POLA1: variants seen among roughly 807,000 people sequenced by gnomAD.
POLA1 encodes the protein DNA polymerase alpha catalytic subunit.
A neutral mutation model predicts 124.0 loss-of-function variants in POLA1; 15 were observed. The observed-to-expected ratio is 0.12, with a 90% CI of 0.08 to 0.19. The LOEUF (loss-of-function observed/expected upper bound fraction) is 0.19. Among genes scored for constraint, POLA1 ranks in the 10% least tolerant of loss-of-function variants. The pLI, the probability that POLA1 is intolerant of heterozygous loss-of-function variation, is 1.00. For missense variants in POLA1, 886 were observed against 1,103.4 expected (o/e 0.80, Z 2.79); for synonymous variants, 408 against 389.4 (o/e 1.05, Z -0.56).
intron 29 of POLA1, among the ~76,000 whole-genome samples, chrX:24,813,811 C>CAAA (rs553323828): frequency 3.3e-4 from 11 of 33,792 alleles, no homozygotes; most frequent in Non-Finnish European, 5.9e-4. Context: ...GAGACGCCGT[C>CAAA]AAAAAAAAAA....
chrX:24,813,251 A>G (rs954080804), intron 29 of POLA1, among the ~76,000 whole-genome samples: 1 of 111,174 alleles, frequency 9.0e-6, no homozygotes, highest in Non-Finnish European at 1.9e-5. Context: ...CTTGAGGGAC[A>G]TAATTGTTAA....
intron 35 of POLA1, among the ~76,000 whole-genome samples, chrX:24,891,655 A>G (rs1363410778): frequency 8.9e-6 from 1 of 111,847 alleles, no homozygotes; most frequent in Non-Finnish European, 1.9e-5. Flanking sequence ...CTCTGTCTCA[A>G]TCATACCTTA....
At chrX:24,780,370 C>T (rs1002684934) in intron 26 of POLA1, among the ~76,000 whole-genome samples, 1 of 112,607 alleles carries the variant, frequency 8.9e-6, no homozygotes, top group Non-Finnish European at 1.9e-5. Context: ...TATCTTGTTT[C>T]TGGTATTAGG....
intron 34 of POLA1, among the ~76,000 whole-genome samples, chrX:24,878,722 T>G (rs918660584): frequency 3.8e-5 from 4 of 106,419 alleles, no homozygotes; most frequent in Admixed American, 3.0e-4. Flanking sequence ...TTTGAAATTT[T>G]AGATTTAGTA....
At chrX:24,741,861 CTTTT>C in intron 21 of POLA1, 137 bp from the exon 22 acceptor site, 1 of 373,955 alleles carries the variant, frequency 2.7e-6, no homozygotes, top group African/African-American at 2.9e-5. Context: ...AATTTAGTAC[CTTTT>C]TTTTTTTTAA....
At chrX:24,916,038 G>A (rs185963037) in intron 35 of POLA1, among the ~76,000 whole-genome samples, 6 of 112,047 alleles carry the variant, frequency 5.4e-5, no homozygotes, top group African/African-American at 1.9e-4. Context: ...AGAGCCAAGA[G>A]GATTGCAGAA....
chrX:24,850,362 C>G (rs753545611), intron 34 of POLA1, among the ~76,000 whole-genome samples: 4 of 112,203 alleles, frequency 3.6e-5, no homozygotes, highest in Non-Finnish European at 7.5e-5. Context: ...GTATTCTATA[C>G]AAGCAGCTTA....
At position 24,930,529 on chromosome X, in the gene POLA1, T is replaced by G. The variant is rs370763508; in HGVS notation, c.4241T>G (p.Leu1414Arg). The G allele has an allele frequency of 5.2e-6, 6 of 1,160,782 alleles. No homozygotes were observed. Residue 1414 changes from leucine (L) to arginine (R), a missense_variant, in exon 36 of 37, where the codon CTT becomes CGT. Coordinates refer to ENST00000379068, the MANE Select transcript of POLA1 (RefSeq NM_001330360.2). The part of the protein sequence containing the change: ...IFDAECALEK[L>R]TTDHEKDKLK... Reference sequence around the variant, plus strand: ...GATGCGGAGTGTGCACTGGAGAAACTTACTACCGATCATGAGAAAGGTACG... The same window carrying G: ...GATGCGGAGTGTGCACTGGAGAAACGTACTACCGATCATGAGAAAGGTACG...
intron 26 of POLA1, among the ~76,000 whole-genome samples, chrX:24,794,924 A>G (rs1338071515): frequency 9.0e-6 from 1 of 110,704 alleles, no homozygotes; most frequent in Non-Finnish European, 1.9e-5. Flanking sequence ...CAGTTTGTAC[A>G]TCAAAATCCA....
intron 31 of POLA1, among the ~76,000 whole-genome samples, chrX:24,823,618 G>A (rs981432601): frequency 9.0e-6 from 1 of 111,246 alleles, no homozygotes; most frequent in Non-Finnish European, 1.9e-5. Context: ...TGACCAATCT[G>A]GTCTCAAACT....
intron 34 of POLA1, among the ~76,000 whole-genome samples, chrX:24,844,993 G>A (rs1442376463): frequency 2.7e-5 from 3 of 111,656 alleles, no homozygotes; most frequent in African/African-American, 9.8e-5. Flanking sequence ...TCTTCACCAT[G>A]GAAATGTTAA....
chrX:24,965,101 C>A (rs193290125), intron 36 of POLA1, among the ~76,000 whole-genome samples: 1 of 111,805 alleles, frequency 8.9e-6, no homozygotes, highest in Admixed American at 9.5e-5. Flanking sequence ...CTTAAAATTC[C>A]CAGTAGAGGG....
At chrX:24,992,852 G>T (rs2048550609) in intron 36 of POLA1, among the ~76,000 whole-genome samples, 1 of 112,332 alleles carries the variant, frequency 8.9e-6, no homozygotes, top group Non-Finnish European at 1.9e-5. Flanking sequence ...ACAGATGATG[G>T]TCTAGTTCAT....
chrX:24,965,429 A>G (rs1347706068), intron 36 of POLA1, among the ~76,000 whole-genome samples: 1 of 112,127 alleles, frequency 8.9e-6, no homozygotes, highest in African/African-American at 3.2e-5. Flanking sequence ...GTTTTCTCAC[A>G]TATGTTTCTT....
chrX:24,774,103 T>C (rs888171286), intron 26 of POLA1, among the ~76,000 whole-genome samples: 3 of 111,653 alleles, frequency 2.7e-5, no homozygotes, highest in African/African-American at 9.8e-5. Flanking sequence ...CTAGGCTGAT[T>C]CTGTGATTTT....
intron 36 of POLA1, among the ~76,000 whole-genome samples, chrX:24,933,647 C>T (rs1456470169): frequency 8.9e-6 from 1 of 112,280 alleles, no homozygotes; most frequent in Non-Finnish European, 1.9e-5. Flanking sequence ...CCATTTCCAT[C>T]ATAAAGCCCA....
intron 36 of POLA1, among the ~76,000 whole-genome samples, chrX:24,962,128 C>G (rs1163694485): frequency 1.8e-5 from 2 of 110,893 alleles, no homozygotes; most frequent in South Asian, 3.8e-4. Context: ...TGAAATGGGT[C>G]TTATTACCAT....
At chrX:24,813,069 A>G (rs947698504) in intron 29 of POLA1, among the ~76,000 whole-genome samples, 5 of 111,588 alleles carry the variant, frequency 4.5e-5, no homozygotes, top group African/African-American at 1.6e-4. Context: ...AAATTTGCTC[A>G]GTGAGAAATG....
intron 26 of POLA1, among the ~76,000 whole-genome samples, chrX:24,793,540 C>A (rs1418560279): frequency 9.0e-6 from 1 of 111,081 alleles, no homozygotes. Context: ...TGTGTGAACT[C>A]TGGTGCTAGT....
Sources: allele counts gnomAD v4.1 joint callset (sites outside exome capture counted in the v4.1 genomes callset), GRCh38; gene constraint gnomAD v4.1.1; transcripts MANE v1.5; gene names NCBI Gene and HGNC (gene_info 2026-07-23, HGNC 2026-07-21).